C6orf120: variants seen among roughly 807,000 people sequenced by gnomAD.
C6orf120 encodes UPF0669 protein C6orf120.
For missense variants in C6orf120, 311 were observed against 264.2 expected (o/e 1.18, Z -1.23); for synonymous variants, 165 against 123.1 (o/e 1.34, Z -2.25).
chr6:169,703,071 TCTGTGAAGCTGATTGCAGTTTG>T, exon 1 of C6orf120: 1 of 1,527,032 alleles, frequency 6.5e-7, no homozygotes, highest in Non-Finnish European at 8.8e-7. Context: ...AAACCCTCCA[TCTGTGAAGCTGATTGCAGTTTG>T]CTGTGAACCT....
upstream of C6orf120, chr6:169,702,156 G>T: frequency 1.6e-6 from 1 of 624,702 alleles, no homozygotes; most frequent in Non-Finnish European, 3.0e-6. Flanking sequence ...TCCGGCCTCG[G>T]GTCCGGATGT....
chr6:169,704,093 GA>G lies in C6orf120; in HGVS notation c.*1065del, dbSNP rs763941310. The G allele has an allele frequency of 7.6e-6, 12 of 1,571,210 alleles. No individual in the cohort carries two copies. The Admixed American group carries it at 1.7e-4, about 23-fold the overall frequency. On this transcript the variant is annotated 3_prime_UTR_variant, in exon 1 of 1. Transcript: ENST00000332290. Reference sequence around the variant, plus strand: ...AACAGTCACAAATCCAGCGACCTAGGAAAAAAATTGTTAATATAGAATGAAA... The same window carrying G: ...AACAGTCACAAATCCAGCGACCTAGGAAAAAATTGTTAATATAGAATGAAA...
At chr6:169,703,770 A>G (rs1788619066) in exon 1 of C6orf120, 3 of 510,148 alleles carry the variant, frequency 5.9e-6, no homozygotes, top group African/African-American at 4.1e-5. Flanking sequence ...TTAAGTTACT[A>G]AACATTTCCA....
chr6:169,702,189 G>T (rs753234322), upstream of C6orf120: 27 of 669,088 alleles, frequency 4.0e-5, no homozygotes, highest in Non-Finnish European at 6.3e-5. Flanking sequence ...CCCCTGCGGG[G>T]AGTGGTGGTG....
chr6:169,703,314 CA>C (rs1251296370), exon 1 of C6orf120: 1 of 483,618 alleles, frequency 2.1e-6, no homozygotes, highest in South Asian at 2.8e-5. Flanking sequence ...ATTGCAGTAA[CA>C]GGTTTATATA....
downstream of C6orf120, chr6:169,705,549 A>G: frequency 1.1e-6 from 1 of 932,992 alleles, no homozygotes; most frequent in Admixed American, 1.7e-5. Flanking sequence ...GCCTGAAACT[A>G]TAAATTCTAG....
chr6:169,704,043 C>A, exon 1 of C6orf120: 1 of 1,598,228 alleles, frequency 6.3e-7, no homozygotes, highest in Non-Finnish European at 8.5e-7. Flanking sequence ...GCCCACTTTC[C>A]TGGGTGTTGG....
Position 169,702,635 on chromosome 6 carries a change from T to A in C6orf120, c.176T>A (p.Leu59Gln), listed in dbSNP as rs746018414. Residue 59 changes from leucine to glutamine, a missense_variant, in exon 1 of 1, where the codon CTG becomes CAG. Coordinates refer to ENST00000332290, the Ensembl canonical transcript of C6orf120. ...GCCGGGAACTACAGCTACCTGCGGC[T>A]GAACCACGAGGGCAAGATAGTCCTC... is the stretch of plus-strand genomic sequence containing the variant. 4 of 1,613,254 alleles carry A rather than the reference T, an allele frequency of 2.5e-6. No individual in the cohort carries two copies. The Admixed American group carries it at 5.0e-5, about 20-fold the overall frequency.
chr6:169,706,272 C>T (rs1475181752), downstream of C6orf120, among the ~76,000 whole-genome samples: 1 of 152,096 alleles, frequency 6.6e-6, no homozygotes, highest in Non-Finnish European at 1.5e-5. Context: ...CTCATGCATA[C>T]ATTGGCGTGT....
At chr6:169,702,927 C>G (rs757009230) in exon 1 of C6orf120, 7 of 1,612,302 alleles carry the variant, frequency 4.3e-6, no homozygotes, top group East Asian at 2.2e-5. Context: ...GCGCAGATGC[C>G]GGCCAGAAGC....
downstream of C6orf120, chr6:169,705,356 A>G: frequency 1.4e-6 from 2 of 1,447,144 alleles, no homozygotes; most frequent in Non-Finnish European, 1.9e-6. Context: ...TATCTCACAT[A>G]AGAAATTTTA....
exon 1 of C6orf120, chr6:169,703,752 T>G (rs1208177932): frequency 2.1e-6 from 1 of 477,826 alleles, no homozygotes; most frequent in African/African-American, 2.1e-5. Flanking sequence ...GAGAAACAGT[T>G]AAGTATCTTA....
chr6:169,706,021 C>A (rs1178123834), downstream of C6orf120, among the ~76,000 whole-genome samples: 2 of 152,124 alleles, frequency 1.3e-5, no homozygotes, highest in Admixed American at 1.3e-4. Flanking sequence ...AGACTAAATA[C>A]AATGTCAAAT....
At chr6:169,703,106 CTACTTG>C in exon 1 of C6orf120, 1 of 1,436,432 alleles carries the variant, frequency 7.0e-7, no homozygotes, top group Non-Finnish European at 9.4e-7. Flanking sequence ...GTGAACCTTG[CTACTTG>C]TACTTGGTTG....
At chr6:169,705,021 C>T (rs768085007), downstream of C6orf120, 3 of 702,486 alleles carry the variant, frequency 4.3e-6, no homozygotes, top group Admixed American at 3.0e-5. Context: ...GTCATATTTG[C>T]ACATAAGAGT....
exon 1 of C6orf120, chr6:169,702,508 C>G: frequency 1.2e-6 from 2 of 1,603,824 alleles, no homozygotes; most frequent in Non-Finnish European, 1.7e-6. Context: ...GGCCCTGCTG[C>G]TGCTCCTAGC....
chr6:169,703,183 T>A (rs1788527866), exon 1 of C6orf120: 3 of 771,192 alleles, frequency 3.9e-6, no homozygotes, highest in Non-Finnish European at 6.3e-6. Context: ...TTTTGTTACC[T>A]CAGTTACCCC....
At chr6:169,702,888 G>T in exon 1 of C6orf120, 4 of 1,611,964 alleles carry the variant, frequency 2.5e-6, no homozygotes, top group South Asian at 2.2e-5. Context: ...AGCAGCACCC[G>T]TTCGGCGAGG....
chr6:169,704,599 A>T (rs1788707647), exon 1 of C6orf120: 1 of 169,674 alleles, frequency 5.9e-6, no homozygotes, highest in Non-Finnish European at 1.4e-5. Context: ...GATTCCCAGG[A>T]AACTTCGTTG....
Sources: allele counts gnomAD v4.1 joint callset (sites outside exome capture counted in the v4.1 genomes callset), GRCh38; gene constraint gnomAD v4.1.1; transcripts MANE v1.5; gene names NCBI Gene and HGNC (gene_info 2026-07-23, HGNC 2026-07-21).